SOX6: variants seen among roughly 807,000 people sequenced by gnomAD.
SOX6 encodes SRY-box transcription factor 6, also known as transcription factor SOX-6.
A neutral mutation model predicts 97.8 loss-of-function variants in SOX6; 11 were observed. That is an observed-to-expected ratio of 0.11 (90% CI 0.07 to 0.19). SOX6 has a LOEUF of 0.19. SOX6 is among the 10% of genes least tolerant of loss of function. SOX6 has a pLI of 1.00. For synonymous variants in SOX6, 360 were observed against 371.4 expected (o/e 0.97, Z 0.35); for missense variants, 810 against 1,039.5 (o/e 0.78, Z 3.04).
chr11:16,111,991 A>T (rs1590203706), intron 6 of SOX6, 68 bp from the exon 7 acceptor site: 1 of 1,601,144 alleles, frequency 6.2e-7, no homozygotes, highest in East Asian at 2.2e-5. Flanking sequence ...TTTGTTTTTC[A>T]CTCCTGGTGG....
chr11:16,428,576 A>G (rs1301275979), intron 1 of SOX6, among the ~76,000 whole-genome samples: 1 of 152,222 alleles, frequency 6.6e-6, no homozygotes, highest in African/African-American at 2.4e-5. Flanking sequence ...CATTTATTAA[A>G]TAGGGAATCC....
intron 1 of SOX6, among the ~76,000 whole-genome samples, chr11:16,391,795 T>C (rs1314197078): frequency 2.6e-5 from 4 of 152,136 alleles, no homozygotes; most frequent in Non-Finnish European, 4.4e-5. Context: ...GACTAATTAT[T>C]AAAGGTCCAC....
chr11:16,216,823 C>T (rs1031051598), intron 4 of SOX6, among the ~76,000 whole-genome samples: 1 of 152,094 alleles, frequency 6.6e-6, no homozygotes, highest in Non-Finnish European at 1.5e-5. Context: ...CTGAATAGTA[C>T]ACAGAAAGAG....
At chr11:16,026,441 A>AT (rs1855218474) in intron 12 of SOX6, among the ~76,000 whole-genome samples, 2 of 152,148 alleles carry the variant, frequency 1.3e-5, no homozygotes, top group African/African-American at 4.8e-5. Context: ...CAGGGAAAGG[A>AT]TGCAGGGAAA....
At chr11:16,249,493 CTAGG>C (rs1219286976) in intron 3 of SOX6, among the ~76,000 whole-genome samples, 2 of 152,202 alleles carry the variant, frequency 1.3e-5, no homozygotes, top group Non-Finnish European at 2.9e-5. Flanking sequence ...CAACAAGTCT[CTAGG>C]AAGTTCCAAA....
At chr11:16,032,148 C>T (rs1855394522) in intron 12 of SOX6, among the ~76,000 whole-genome samples, 1 of 152,094 alleles carries the variant, frequency 6.6e-6, no homozygotes, top group African/African-American at 2.4e-5. Flanking sequence ...ATTTTAGGCT[C>T]AGTGTTAGGG....
intron 6 of SOX6, among the ~76,000 whole-genome samples, chr11:16,125,347 A>G (rs1407425709): frequency 6.6e-6 from 1 of 152,118 alleles, no homozygotes; most frequent in Non-Finnish European, 1.5e-5. Context: ...GTCTCTGTGT[A>G]GGAAGTATAG....
At chr11:16,234,455 C>T (rs553424208) in intron 4 of SOX6, 127 bp downstream of exon 4, 36 of 587,040 alleles carry the variant, frequency 6.1e-5, no homozygotes, top group African/African-American at 4.0e-4. Flanking sequence ...AATATTCACC[C>T]TCTCATGTAC....
At chr11:16,479,912 T>A (rs1296866853), upstream of SOX6, among the ~76,000 whole-genome samples, 1 of 152,138 alleles carries the variant, frequency 6.6e-6, no homozygotes, top group Non-Finnish European at 1.5e-5. Flanking sequence ...TTAATATGTA[T>A]GTTCACTACA....
At chr11:16,369,012 G>A (rs950201326) in intron 1 of SOX6, among the ~76,000 whole-genome samples, 5 of 152,144 alleles carry the variant, frequency 3.3e-5, no homozygotes, top group African/African-American at 1.2e-4. Context: ...GAGGTGGGAG[G>A]ATAGCTTGAG....
intron 3 of SOX6, among the ~76,000 whole-genome samples, chr11:16,667,281 C>CA (rs1329028525): frequency 6.6e-6 from 1 of 151,988 alleles, no homozygotes; most frequent in Non-Finnish European, 1.5e-5. Context: ...GGGAAATTCT[C>CA]AAACCTAGAA....
intron 1 of SOX6, among the ~76,000 whole-genome samples, chr11:16,378,803 G>T (rs2134405704): frequency 6.6e-6 from 1 of 151,924 alleles, no homozygotes; most frequent in African/African-American, 2.4e-5. Context: ...TAGACAAAAT[G>T]ACAAAATTTA....
intron 9 of SOX6, among the ~76,000 whole-genome samples, chr11:16,075,780 T>C (rs917900464): frequency 2.0e-5 from 3 of 152,092 alleles, no homozygotes; most frequent in Non-Finnish European, 4.4e-5. Context: ...GTTGTACACA[T>C]GTGCCCTAGA....
chr11:16,276,405 A>G (rs1165226797), intron 3 of SOX6, among the ~76,000 whole-genome samples: 1 of 152,186 alleles, frequency 6.6e-6, no homozygotes, highest in East Asian at 1.9e-4. Flanking sequence ...TGGAAAATCA[A>G]AACATTTGCA....
intron 2 of SOX6, among the ~76,000 whole-genome samples, chr11:16,731,591 T>C (rs1429627304): frequency 1.3e-5 from 2 of 152,214 alleles, no homozygotes; most frequent in Non-Finnish European, 2.9e-5. Flanking sequence ...TGATGGAATG[T>C]ATCTCAAAAT....
chr11:16,443,884 G>A (rs1859559456), intron 1 of SOX6, among the ~76,000 whole-genome samples: 1 of 151,866 alleles, frequency 6.6e-6, no homozygotes, highest in African/African-American at 2.4e-5. Flanking sequence ...GCGGTAGTGG[G>A]CACCTGTAGT....
chr11:16,441,339 C>T (rs1405732431), intron 1 of SOX6, among the ~76,000 whole-genome samples: 1 of 152,144 alleles, frequency 6.6e-6, no homozygotes, highest in Non-Finnish European at 1.5e-5. Context: ...TATATGTACA[C>T]TTTTATTTGT....
At chr11:16,210,938 A>G (rs1433125659) in intron 4 of SOX6, among the ~76,000 whole-genome samples, 2 of 152,180 alleles carry the variant, frequency 1.3e-5, no homozygotes, top group Non-Finnish European at 2.9e-5. Flanking sequence ...CAAGATAGTC[A>G]AGGTAGTTCT....
At chr11:16,216,841 A>G (rs938070284) in intron 4 of SOX6, among the ~76,000 whole-genome samples, 22 of 152,184 alleles carry the variant, frequency 1.4e-4, no homozygotes, top group African/African-American at 5.3e-4. Context: ...GAGACTTGGG[A>G]AAGTAACAAG....
Sources: gnomAD v4.1 joint callset for allele counts (sites outside exome capture counted in the v4.1 genomes callset) on GRCh38, gnomAD v4.1.1 for gene constraint, MANE v1.5 for transcripts, NCBI Gene and HGNC (gene_info 2026-07-23, HGNC 2026-07-21) for gene names.